APBB2: variants seen among roughly 807,000 people sequenced by gnomAD.
The protein encoded by APBB2 is Fe65-like 1.
Under a neutral mutation model 82.5 loss-of-function variants are expected in APBB2, and 38 were observed. The observed-to-expected ratio is 0.46, with a 90% CI of 0.36 to 0.60. The LOEUF is 0.60. APBB2 is among the 20% of genes least tolerant of loss of function. The pLI is 0.00. For missense variants in APBB2, 772 were observed against 972.3 expected, an observed-to-expected ratio of 0.79 and a Z score of 2.74; for synonymous variants, 341 against 368.2, an observed-to-expected ratio of 0.93 and a Z score of 0.85.
At chr4:41,187,349 G>C (rs1240343852) in intron 1 of APBB2, among the ~76,000 whole-genome samples, 1 of 152,076 alleles carries the variant, frequency 6.6e-6, no homozygotes, top group Non-Finnish European at 1.5e-5. Flanking sequence ...AAAGATAAGA[G>C]TCTTTTAAAT....
chr4:41,128,439 G>A (rs983542062), intron 2 of APBB2, among the ~76,000 whole-genome samples: 2 of 152,074 alleles, frequency 1.3e-5, no homozygotes, highest in African/African-American at 4.8e-5. Context: ...TATGTGACCA[G>A]GAATATCACC....
chr4:41,137,287 G>C (rs527387576), intron 2 of APBB2, among the ~76,000 whole-genome samples: 95 of 152,238 alleles, frequency 6.2e-4, no homozygotes, highest in African/African-American at 2.2e-3. Flanking sequence ...AGTAGTTATT[G>C]GGAATGATTA....
At chr4:40,918,513 A>C (rs1043142046) in intron 10 of APBB2, among the ~76,000 whole-genome samples, 1 of 152,238 alleles carries the variant, frequency 6.6e-6, no homozygotes, top group African/African-American at 2.4e-5. Context: ...TAATGCCGTT[A>C]ATGGCAGCAG....
At chr4:40,930,462 C>CGT (rs1274039961) in intron 10 of APBB2, among the ~76,000 whole-genome samples, 3 of 103,784 alleles carry the variant, frequency 2.9e-5, no homozygotes, top group East Asian at 2.3e-4. Flanking sequence ...CGCGCGCGCG[C>CGT]GCGCGTGCGC....
intron 4 of APBB2, among the ~76,000 whole-genome samples, chr4:41,039,401 T>C (rs187929277): frequency 6.6e-6 from 1 of 152,328 alleles, no homozygotes; most frequent in African/African-American, 2.4e-5. Flanking sequence ...ACTTAAATCC[T>C]GTATGATCCT....
At chr4:41,094,802 T>A (rs928938497) in intron 3 of APBB2, among the ~76,000 whole-genome samples, 1 of 152,160 alleles carries the variant, frequency 6.6e-6, no homozygotes, top group Non-Finnish European at 1.5e-5. Flanking sequence ...TAACCTCAAG[T>A]GACCTGCCTG....
At chr4:41,000,541 C>T (rs1804921981) in intron 6 of APBB2, among the ~76,000 whole-genome samples, 1 of 152,068 alleles carries the variant, frequency 6.6e-6, no homozygotes, top group Non-Finnish European at 1.5e-5. Context: ...GATGTCTGAC[C>T]CTAAACCACA....
intron 3 of APBB2, among the ~76,000 whole-genome samples, chr4:41,094,487 C>T (rs1172336575): frequency 1.3e-5 from 2 of 152,234 alleles, no homozygotes; most frequent in Admixed American, 1.3e-4. Flanking sequence ...AACTGTATAA[C>T]TGCAACTGAA....
chr4:40,872,219 G>A (rs563447449), intron 12 of APBB2, among the ~76,000 whole-genome samples: 3 of 152,304 alleles, frequency 2.0e-5, no homozygotes, highest in East Asian at 1.9e-4. Context: ...AGAGAATGAG[G>A]ACAATGACAA....
intron 12 of APBB2, among the ~76,000 whole-genome samples, chr4:40,884,055 A>G (rs1266235803): frequency 1.3e-5 from 2 of 152,170 alleles, no homozygotes; most frequent in Non-Finnish European, 2.9e-5. Context: ...GCTGCCTAAC[A>G]TAGTATTTAG....
chr4:40,934,749 C>T (rs1217914306), intron 8 of APBB2, 50 bp from the exon 9 acceptor site: 1 of 1,313,408 alleles, frequency 7.6e-7, no homozygotes, highest in African/African-American at 1.5e-5. Context: ...GAAGACCATT[C>T]ATTGCCTCAA....
chr4:40,830,409 T>C (rs1751473924), intron 13 of APBB2, 54 bp downstream of exon 13: 2 of 1,292,360 alleles, frequency 1.5e-6, no homozygotes, highest in South Asian at 2.4e-5. Context: ...CACATCCTTT[T>C]ATGCAGCAAG....
rs563055649 is a variant in APBB2, at chr4:40,964,855, T to G, written c.836-19782A>C. Among the ~76,000 whole-genome samples, 4 of 151,892 alleles carry G rather than the reference T, an allele frequency of 2.6e-5. No homozygotes were observed. In the East Asian group the frequency reaches 7.7e-4, roughly 29 times the overall value. On this transcript the variant is annotated intron_variant, in intron 6 of 17. Coordinates refer to ENST00000508593, the MANE Select transcript of APBB2 (RefSeq NM_004307.2). ...TAGAATAGTAGCCGGTAGTGGTGGC[T>G]CACACCTGTAATCTTAGCACTTTGG...
chr4:40,817,384 G>C (rs1255979837), intron 17 of APBB2, among the ~76,000 whole-genome samples: 1 of 152,126 alleles, frequency 6.6e-6, no homozygotes, highest in Non-Finnish European at 1.5e-5. Flanking sequence ...ACTCCAGCCT[G>C]GGCGACGGAG....
At chr4:40,828,421 T>C (rs1175213474) in intron 13 of APBB2, among the ~76,000 whole-genome samples, 1 of 152,200 alleles carries the variant, frequency 6.6e-6, no homozygotes, top group East Asian at 1.9e-4. Context: ...GTCATTTCCA[T>C]CGCAGACCTC....
At chr4:41,146,198 C>T (rs373596479) in intron 1 of APBB2, among the ~76,000 whole-genome samples, 45 of 151,954 alleles carry the variant, frequency 3.0e-4, no homozygotes, top group African/African-American at 9.9e-4. Flanking sequence ...TGGTGGCACA[C>T]GCCTCTAATT....
intron 12 of APBB2, among the ~76,000 whole-genome samples, chr4:40,887,538 C>T (rs1770668018): frequency 6.6e-6 from 1 of 151,448 alleles, no homozygotes; most frequent in Non-Finnish European, 1.5e-5. Flanking sequence ...TTGTAAATTG[C>T]TGTTAAGGAA....
chr4:41,087,578 A>T (rs1011716541), intron 3 of APBB2, among the ~76,000 whole-genome samples: 1 of 151,122 alleles, frequency 6.6e-6, no homozygotes, highest in South Asian at 2.1e-4. Flanking sequence ...ACAAGCATGC[A>T]TCACCATGAC....
At chr4:41,163,823 GA>G (rs1266568199) in intron 1 of APBB2, among the ~76,000 whole-genome samples, 1 of 152,106 alleles carries the variant, frequency 6.6e-6, no homozygotes, top group East Asian at 1.9e-4. Flanking sequence ...AAATGAGAGA[GA>G]AAAAGAAATT....
Sources: allele counts gnomAD v4.1 joint callset (sites outside exome capture counted in the v4.1 genomes callset), GRCh38; gene constraint gnomAD v4.1.1; transcripts MANE v1.5; gene names NCBI Gene and HGNC (gene_info 2026-07-23, HGNC 2026-07-21).